The following JMJD1C variants were observed in gnomAD, a reference collection of about 807,000 sequenced individuals.
JMJD1C encodes the protein jumonji domain-containing protein 1C.
Under a neutral mutation model 245.3 loss-of-function variants are expected in JMJD1C, and 31 were observed. The ratio of observed to expected loss-of-function variants is 0.13; its 90% CI spans 0.09 to 0.17. JMJD1C has a LOEUF of 0.17. Ranked by LOEUF, JMJD1C falls within the 10% of genes least tolerant of loss-of-function variation. The pLI is 1.00. For synonymous variants in JMJD1C, 1,057 were observed against 1,017.4 expected (o/e 1.04, Z -0.74); for missense variants, 2,691 against 3,000.2 (o/e 0.90, Z 2.41).
chr10:63,473,058 C>T (rs894282302), intron 1 of JMJD1C, among the ~76,000 whole-genome samples: 2 of 152,134 alleles, frequency 1.3e-5, no homozygotes, highest in African/African-American at 2.4e-5. Context: ...GCTGGGATTA[C>T]GGGCGTAAGC....
chr10:63,393,153 A>C (rs541505210), intron 1 of JMJD1C, among the ~76,000 whole-genome samples: 2 of 152,244 alleles, frequency 1.3e-5, no homozygotes, highest in East Asian at 3.9e-4. Flanking sequence ...CTGTAGTCCC[A>C]GCTAATCAGG....
At chr10:63,427,140 C>G (rs987203809) in intron 1 of JMJD1C, among the ~76,000 whole-genome samples, 1 of 151,998 alleles carries the variant, frequency 6.6e-6, no homozygotes, top group Non-Finnish European at 1.5e-5. Flanking sequence ...GCGGACAACT[C>G]ATGGCGGTGG....
chr10:63,467,555 G>C (rs1220387936), upstream of JMJD1C, among the ~76,000 whole-genome samples: 1 of 152,156 alleles, frequency 6.6e-6, no homozygotes, highest in Non-Finnish European at 1.5e-5. Flanking sequence ...AATTAAAACA[G>C]CAAAACATAC....
intron 10 of JMJD1C, chr10:63,203,649 A>T (rs1846271667): frequency 6.1e-6 from 6 of 979,364 alleles, no homozygotes; most frequent in Non-Finnish European, 7.3e-6. Flanking sequence ...AAATTAGTGG[A>T]GAAAAAGCGG....
chr10:63,443,870 G>C (rs1351346901), intron 1 of JMJD1C, among the ~76,000 whole-genome samples: 1 of 152,216 alleles, frequency 6.6e-6, no homozygotes, highest in East Asian at 1.9e-4. Flanking sequence ...TATCACTCGG[G>C]AGAGTCCAAG....
chr10:63,227,385 G>A (rs2133357068), intron 3 of JMJD1C, among the ~76,000 whole-genome samples: 1 of 152,236 alleles, frequency 6.6e-6, no homozygotes, highest in East Asian at 1.9e-4. Flanking sequence ...ACCAACAAAG[G>A]GTGGTTAGTT....
chr10:63,292,922 TAATCCCAGCTACTTGAGAAGC>T (rs1453538744), intron 2 of JMJD1C, among the ~76,000 whole-genome samples: 2 of 151,960 alleles, frequency 1.3e-5, no homozygotes, highest in Non-Finnish European at 2.9e-5. Flanking sequence ...TGCTTGCCTG[TAATCCCAGCTACTTGAGAAGC>T]TGAGGCAGGA....
At chr10:63,352,936 T>C (rs1354670333) in intron 2 of JMJD1C, among the ~76,000 whole-genome samples, 1 of 152,084 alleles carries the variant, frequency 6.6e-6, no homozygotes, top group Non-Finnish European at 1.5e-5. Flanking sequence ...TAGAATGCTA[T>C]TCGGAGTTCC....
At chr10:63,243,367 A>C (rs1851770256) in intron 3 of JMJD1C, among the ~76,000 whole-genome samples, 1 of 151,776 alleles carries the variant, frequency 6.6e-6, no homozygotes, top group Non-Finnish European at 1.5e-5. Flanking sequence ...TCTCTACCAA[A>C]AATACAAAAT....
rs1365013674 is a variant in JMJD1C at position 63,438,667 on chromosome 10, C to CA, written c.168+26827dup. 2.6e-5 allele frequency among the ~76,000 whole-genome samples: 4 copies of CA among 152,144 alleles called. No individual in the cohort carries two copies. The East Asian group carries it at 7.7e-4, about 29-fold the overall frequency. ...TTTTCACTGCTCTCTGACCATACCA[C>CA]ATTCACTGCTCCTCAAATACGCTAG... On this transcript the variant is annotated intron_variant, in intron 1 of 25. Transcript: ENST00000399262.
chr10:63,238,773 C>T (rs1851102146), intron 3 of JMJD1C, among the ~76,000 whole-genome samples: 1 of 152,130 alleles, frequency 6.6e-6, no homozygotes, highest in African/African-American at 2.4e-5. Flanking sequence ...TTGAAATAGT[C>T]TAAGTGTGGG....
intron 2 of JMJD1C, among the ~76,000 whole-genome samples, chr10:63,325,780 T>C (rs1187019707): frequency 6.6e-6 from 1 of 152,230 alleles, no homozygotes; most frequent in African/African-American, 2.4e-5. Context: ...TGGACACAGT[T>C]AAACATAATC....
At chr10:63,414,321 A>C (rs1949677331) in intron 1 of JMJD1C, among the ~76,000 whole-genome samples, 1 of 152,080 alleles carries the variant, frequency 6.6e-6, no homozygotes, top group African/African-American at 2.4e-5. Context: ...CACTAAGAAA[A>C]CTGAATCTAC....
chr10:63,203,220 G>C, intron 10 of JMJD1C: 1 of 983,982 alleles, frequency 1.0e-6, no homozygotes, highest in South Asian at 4.7e-5. Context: ...AACTGTCATA[G>C]TATTTGTACA....
At chr10:63,175,778 C>A (rs1206473550) in intron 24 of JMJD1C, among the ~76,000 whole-genome samples, 1 of 152,212 alleles carries the variant, frequency 6.6e-6, no homozygotes, top group Non-Finnish European at 1.5e-5. Context: ...TCCATAACCA[C>A]TGCATCTATT....
At chr10:63,253,976 C>A (rs4450077) in intron 3 of JMJD1C, among the ~76,000 whole-genome samples, 1 of 151,942 alleles carries the variant, frequency 6.6e-6, no homozygotes, top group Non-Finnish European at 1.5e-5. Context: ...AAACCTGGCC[C>A]TTAAATATAT....
chr10:63,460,851 G>A (rs1282684543), intron 1 of JMJD1C, among the ~76,000 whole-genome samples: 2 of 152,056 alleles, frequency 1.3e-5, no homozygotes, highest in African/African-American at 4.8e-5. Flanking sequence ...GTTTCACATG[G>A]TAAAATTTCT....
At chr10:63,300,936 G>A (rs1191949783) in intron 2 of JMJD1C, among the ~76,000 whole-genome samples, 5 of 151,718 alleles carry the variant, frequency 3.3e-5, no homozygotes, top group Non-Finnish European at 2.9e-5. Context: ...ATCTATAAAT[G>A]TTGAATATTC....
chr10:63,208,785 C>G lies in JMJD1C; in HGVS notation c.2884G>C (p.Ala962Pro). Residue 962 changes from alanine to proline, a missense_variant, in exon 10 of 26, where the codon GCT (alanine) becomes CCT (proline). Ala to Pro is a conservative substitution (Grantham distance 27, BLOSUM62 -1). This residue lies in a region of JMJD1C where 1,562 missense variants were observed against 1,490.7 expected (regional missense o/e 1.05). Coordinates refer to ENST00000399262, the MANE Select transcript of JMJD1C (RefSeq NM_032776.3). ...ACAGACCGTAATGGTTCCATAAAAG[C>G]TTTTCTTTCTAATTCTCTGTAAAGA... ...DHHKEELERK[A>P]FMEPLRSVAS... 6.3e-7 allele frequency: 1 copy of G among 1,578,596 alleles called. No individual in the cohort carries two copies. The highest frequency in any genetic ancestry group is 8.6e-7 in the Non-Finnish European group (1 of 1,168,154).
Sources: gnomAD v4.1 joint callset for allele counts (sites outside exome capture counted in the v4.1 genomes callset) on GRCh38, gnomAD v4.1.1 for gene constraint, gnomAD v4.1.1 regional missense constraint, MANE v1.5 for transcripts, NCBI Gene and HGNC (gene_info 2026-07-23, HGNC 2026-07-21) for gene names.